The following RFX3 variants were observed in gnomAD, a reference collection of about 807,000 sequenced individuals.
RFX3 encodes the protein regulatory factor X3, also known as transcription factor RFX3.
A neutral mutation model predicts 98.6 loss-of-function variants in RFX3; 14 were observed. The observed-to-expected ratio is 0.14, with a 90% CI of 0.09 to 0.22. The LOEUF (loss-of-function observed/expected upper bound fraction) is 0.22, where lower values mean the gene tolerates loss of function less well. Among genes scored for constraint, RFX3 ranks in the 10% least tolerant of loss-of-function variants. The pLI, the probability that RFX3 is intolerant of heterozygous loss-of-function variation, is 1.00. For synonymous variants in RFX3, 383 were observed against 328.4 expected (o/e 1.17, Z -1.80); for missense variants, 639 against 926.9 (o/e 0.69, Z 4.03).
At chr9:3,472,398 G>A (rs1848855035) in intron 1 of RFX3, among the ~76,000 whole-genome samples, 1 of 152,164 alleles carries the variant, frequency 6.6e-6, no homozygotes, top group Non-Finnish European at 1.5e-5. Flanking sequence ...ACCCTAGTGA[G>A]ATACTGTAAT....
chr9:3,337,723 C>T (rs1833358517), intron 3 of RFX3, among the ~76,000 whole-genome samples: 1 of 152,112 alleles, frequency 6.6e-6, no homozygotes, highest in African/African-American at 2.4e-5. Context: ...CTTGTGCCTG[C>T]CTGTTTCCAG....
At chr9:3,393,686 T>C (rs1361777301) in intron 2 of RFX3, among the ~76,000 whole-genome samples, 1 of 147,758 alleles carries the variant, frequency 6.8e-6, no homozygotes, top group African/African-American at 2.6e-5. Context: ...ACAGAGCCTT[T>C]TAAATCACCA....
chr9:3,241,289 C>T (rs1188601825), intron 15 of RFX3, among the ~76,000 whole-genome samples: 3 of 151,390 alleles, frequency 2.0e-5, no homozygotes, highest in African/African-American at 7.3e-5. Flanking sequence ...AAGAAGACGT[C>T]CTATCAATTG....
chr9:3,383,326 C>G (rs1839388063), intron 2 of RFX3, among the ~76,000 whole-genome samples: 1 of 152,088 alleles, frequency 6.6e-6, no homozygotes, highest in South Asian at 2.1e-4. Flanking sequence ...TTGCTTGTGA[C>G]ATTTCTTGAT....
intron 1 of RFX3, among the ~76,000 whole-genome samples, chr9:3,473,343 T>C (rs997238347): frequency 6.6e-6 from 1 of 152,204 alleles, no homozygotes; most frequent in Non-Finnish European, 1.5e-5. Context: ...GGTTCTCTTA[T>C]TTCTCCACAA....
intron 2 of RFX3, among the ~76,000 whole-genome samples, chr9:3,358,855 A>G (rs1836076292): frequency 6.6e-6 from 1 of 152,060 alleles, no homozygotes; most frequent in South Asian, 2.1e-4. Context: ...AGAAGAAAGA[A>G]TGCCAAGCGA....
At chr9:3,294,066 G>T (rs1827710857) in intron 5 of RFX3, among the ~76,000 whole-genome samples, 2 of 152,080 alleles carry the variant, frequency 1.3e-5, no homozygotes, top group South Asian at 4.1e-4. Context: ...TTAAAGCACT[G>T]AATGTACAAG....
At chr9:3,427,259 A>G (rs35835962) in intron 1 of RFX3, among the ~76,000 whole-genome samples, 23 of 144,308 alleles carry the variant, frequency 1.6e-4, no homozygotes, top group Admixed American at 1.6e-3. Flanking sequence ...TATATATAAT[A>G]CTATATATAT....
intron 1 of RFX3, among the ~76,000 whole-genome samples, chr9:3,405,862 T>C (rs1841915274): frequency 6.6e-6 from 1 of 152,184 alleles, no homozygotes; most frequent in Non-Finnish European, 1.5e-5. Context: ...CTTTAGAATA[T>C]AGCTCCTGCC....
At chr9:3,384,295 C>T (rs1433100370) in intron 2 of RFX3, among the ~76,000 whole-genome samples, 1 of 152,100 alleles carries the variant, frequency 6.6e-6, no homozygotes, top group Admixed American at 6.6e-5. Context: ...ATGAAAGAGC[C>T]TTTGAAAAAA....
intron 5 of RFX3, among the ~76,000 whole-genome samples, chr9:3,294,858 T>C (rs985860407): frequency 7.2e-5 from 11 of 152,112 alleles, no homozygotes; most frequent in Non-Finnish European, 1.2e-4. Flanking sequence ...AGGACACATA[T>C]ACGAATGAAT....
chr9:3,521,804 A>G (rs1366791024), intron 1 of RFX3, among the ~76,000 whole-genome samples: 1 of 152,206 alleles, frequency 6.6e-6, no homozygotes, highest in Non-Finnish European at 1.5e-5. Flanking sequence ...AAGGATGACA[A>G]AAGTTAACTT....
At chr9:3,450,957 T>C (rs564922485) in intron 1 of RFX3, among the ~76,000 whole-genome samples, 1 of 152,326 alleles carries the variant, frequency 6.6e-6, no homozygotes, top group African/African-American at 2.4e-5. Flanking sequence ...ACCCAGATCT[T>C]GGTTTCCAAT....
rs187952073 is a variant in RFX3, at chr9:3,462,934, G to T, written c.-9+62813C>A. On this transcript the variant is annotated intron_variant, in intron 1 of 16. Transcript: ENST00000617270. ...AATTAAAGACTTAAGTAAAGAAAGA[G>T]ACATATCATGTTCGTGGATCATAAC... Among the ~76,000 whole-genome samples the T allele has an allele frequency of 9.4e-4, 143 of 152,158 alleles. No homozygotes were observed. In the Middle Eastern group the frequency reaches 0.014, roughly 14 times the overall value.
At chr9:3,511,419 CAAAT>C (rs936554904) in intron 1 of RFX3, among the ~76,000 whole-genome samples, 2 of 151,638 alleles carry the variant, frequency 1.3e-5, no homozygotes, top group African/African-American at 4.8e-5. Flanking sequence ...TGGCCTCAGT[CAAAT>C]AAAAAAACTA....
In RFX3 at chr9:3,375,396, G is replaced by A. The variant is rs148735118; in HGVS notation, c.117+20076C>T. ...TTTGTCTTATCTAACTCTGTCCATG[G>A]CATGCTGCGGCCACATTTAAATTTA... is the stretch of plus-strand genomic sequence containing the variant. On this transcript the variant is annotated intron_variant, in intron 2 of 16. Coordinates refer to ENST00000617270, the MANE Select transcript of RFX3 (RefSeq NM_001282116.2). Among the ~76,000 whole-genome samples the A allele has an allele frequency of 3.3e-3, 504 of 152,258 alleles. 5 individuals are homozygous for A. Among genetic ancestry groups the A allele is most frequent in the African/African-American group, 0.012 (478 of 41,556 alleles).
In RFX3 at chr9:3,468,219, T is replaced by C. The variant is rs150958427; in HGVS notation, c.-9+57528A>G. Among the ~76,000 whole-genome samples the C allele has an allele frequency of 4.4e-3, 663 of 152,320 alleles. 3 individuals are homozygous for C. The highest frequency in any genetic ancestry group is 7.9e-3 in the Non-Finnish European group (538 of 68,032). ...GAATTGTTACAGCTAAAGGACTCAGTTACTGAGTACAGAGACACAATTTGA... is the reference window on the plus strand; with the variant it reads ...GAATTGTTACAGCTAAAGGACTCAGCTACTGAGTACAGAGACACAATTTGA... On this transcript the variant is annotated intron_variant, in intron 1 of 16. Coordinates refer to ENST00000617270, the MANE Select transcript of RFX3 (RefSeq NM_001282116.2).
intron 2 of RFX3, among the ~76,000 whole-genome samples, chr9:3,366,700 TTCTTTCTTTCTTTCTTTC>T (rs1408479688): frequency 9.1e-5 from 9 of 99,350 alleles, no homozygotes; most frequent in East Asian, 6.6e-4. Flanking sequence ...TTTCCTTTCT[TTCTTTCTTTCTTTCTTTC>T]TTTCTTTCTT....
chr9:3,253,033 ATGT>A (rs1342414364), intron 14 of RFX3, among the ~76,000 whole-genome samples: 4 of 152,356 alleles, frequency 2.6e-5, no homozygotes, highest in East Asian at 1.9e-4. Flanking sequence ...TCCGTAAGAA[ATGT>A]TGTAAAATTG....
Sources: allele counts gnomAD v4.1 joint callset (sites outside exome capture counted in the v4.1 genomes callset), GRCh38; gene constraint gnomAD v4.1.1; transcripts MANE v1.5; gene names NCBI Gene and HGNC (gene_info 2026-07-23, HGNC 2026-07-21).